MCF2L2: variants seen among roughly 807,000 people sequenced by gnomAD.
MCF2L2 encodes the protein MCF.2 cell line derived transforming sequence-like 2.
In MCF2L2, 102 loss-of-function variants were observed where a neutral mutation model predicts 150.2. The observed-to-expected ratio is 0.68, with a 90% CI of 0.58 to 0.80. The LOEUF is 0.80. Among genes scored for constraint, MCF2L2 ranks in the 30% least tolerant of loss-of-function variants. MCF2L2 has a pLI of 0.00. For missense variants in MCF2L2, 1,256 were observed against 1,372.8 expected (o/e 0.91, Z 1.34); for synonymous variants, 465 against 491.3 (o/e 0.95, Z 0.71).
At chr3:183,278,283 TTG>T (rs144622953) in intron 14 of MCF2L2, among the ~76,000 whole-genome samples, 7,403 of 137,924 alleles carry the variant, frequency 0.054, 390 homozygotes, top group African/African-American at 0.16. Flanking sequence ...AATGAAAAAA[TTG>T]TGTGTGTGTG....
chr3:183,202,076 G>T (rs1487691197), intron 25 of MCF2L2, among the ~76,000 whole-genome samples: 1 of 152,164 alleles, frequency 6.6e-6, no homozygotes, highest in Non-Finnish European at 1.5e-5. Context: ...AAAATCAGCA[G>T]TCTGGCAGCC....
chr3:183,199,941 C>T (rs145136284), intron 25 of MCF2L2, among the ~76,000 whole-genome samples: 1 of 152,262 alleles, frequency 6.6e-6, no homozygotes, highest in East Asian at 1.9e-4. Context: ...CATGTCCCTA[C>T]AAAGGACATG....
intron 1 of MCF2L2, among the ~76,000 whole-genome samples, chr3:183,415,750 G>A (rs1473055095): frequency 6.6e-6 from 1 of 151,694 alleles, no homozygotes; most frequent in Non-Finnish European, 1.5e-5. Flanking sequence ...TTATATCTTT[G>A]AATATACTAG....
intron 1 of MCF2L2, chr3:183,400,443 G>A (rs1714690806): frequency 2.2e-6 from 1 of 456,598 alleles, no homozygotes; most frequent in South Asian, 1.5e-5. Flanking sequence ...CAAGGTGTAA[G>A]GTGAGTATCT....
chr3:183,279,677 G>A (rs1407187059), intron 14 of MCF2L2, among the ~76,000 whole-genome samples: 1 of 152,044 alleles, frequency 6.6e-6, no homozygotes, highest in Non-Finnish European at 1.5e-5. Flanking sequence ...ATTTTATCCT[G>A]AAGAAAAAGG....
chr3:183,316,698 TTTG>T (rs770005357), intron 7 of MCF2L2, among the ~76,000 whole-genome samples: 10 of 149,372 alleles, frequency 6.7e-5, no homozygotes, highest in East Asian at 4.0e-4. Flanking sequence ...TTTTTTCTCT[TTTG>T]TTGTTGTTGT....
chr3:183,338,750 C>A (rs1188645659), intron 5 of MCF2L2, 50 bp downstream of exon 5: 2 of 1,550,264 alleles, frequency 1.3e-6, no homozygotes, highest in Non-Finnish European at 8.8e-7. Context: ...CAAATGCCAT[C>A]TTAGCCAGAA....
intron 21 of MCF2L2, among the ~76,000 whole-genome samples, chr3:183,218,616 A>C (rs555707320): frequency 1.3e-5 from 2 of 152,294 alleles, no homozygotes; most frequent in South Asian, 4.2e-4. Flanking sequence ...TCTGGGTGAC[A>C]GAGCGAGACT....
intron 22 of MCF2L2, among the ~76,000 whole-genome samples, chr3:183,215,394 C>T (rs1722877111): frequency 6.6e-6 from 1 of 152,044 alleles, no homozygotes; most frequent in Non-Finnish European, 1.5e-5. Context: ...GGATGTTTTG[C>T]CTGGAATGCC....
chr3:183,350,394 T>C (rs1731065007), intron 3 of MCF2L2, among the ~76,000 whole-genome samples: 1 of 152,094 alleles, frequency 6.6e-6, no homozygotes, highest in African/African-American at 2.4e-5. Context: ...CTGGCCAATG[T>C]ATTTCTTAAG....
chr3:183,307,857 C>A (rs1729174269), intron 10 of MCF2L2, among the ~76,000 whole-genome samples: 1 of 152,258 alleles, frequency 6.6e-6, no homozygotes, highest in Non-Finnish European at 1.5e-5. Flanking sequence ...TTCCTCCTGG[C>A]CCACCTGCTC....
At position 183,230,965 on chromosome 3, in the gene MCF2L2, T is replaced by C. The variant is rs1450021121; in HGVS notation, c.1915A>G (p.Lys639Glu). The part of the protein sequence containing the change: ...ETEEIYIKEI[K>E]SIIDGYITPM... Reference sequence around the variant, plus strand: ...AATCTACTTACATCAATTATGCTTTTAATCTCTTTTATGTAAATCTCTTCA... The same window carrying C: ...AATCTACTTACATCAATTATGCTTTCAATCTCTTTTATGTAAATCTCTTCA... The change falls in exon 16 of 30, where the codon AAA becomes GAA. Residue 639 changes from lysine to glutamate, a missense_variant. Transcript: ENST00000328913. 2 of 1,613,544 alleles carry C rather than the reference T, an allele frequency of 1.2e-6. No homozygotes were observed. The highest frequency in any genetic ancestry group is 2.2e-5 in the East Asian group (1 of 44,880).
chr3:183,317,406 GC>G (rs1729645247), intron 7 of MCF2L2, among the ~76,000 whole-genome samples: 1 of 152,124 alleles, frequency 6.6e-6, no homozygotes, highest in Non-Finnish European at 1.5e-5. Context: ...CCAGGGAGAA[GC>G]CCCGGGAAGA....
intron 13 of MCF2L2, among the ~76,000 whole-genome samples, chr3:183,290,065 T>C (rs914790642): frequency 6.6e-6 from 1 of 152,202 alleles, no homozygotes; most frequent in Non-Finnish European, 1.5e-5. Context: ...AGGTAATTAA[T>C]TTTTGCTTAT....
intron 7 of MCF2L2, among the ~76,000 whole-genome samples, chr3:183,315,216 T>C (rs1319739945): frequency 6.6e-6 from 1 of 151,784 alleles, no homozygotes; most frequent in Non-Finnish European, 1.5e-5. Context: ...TGGGACTACA[T>C]ACAGGATTGA....
chr3:183,338,960 T>A, intron 4 of MCF2L2, 41 bp from the exon 5 acceptor site: 1 of 1,575,900 alleles, frequency 6.3e-7, no homozygotes, highest in Non-Finnish European at 8.7e-7. Flanking sequence ...GAGAGAAAAA[T>A]GTCATATTCG....
At chr3:183,349,709 G>T (rs1247865675) in intron 3 of MCF2L2, among the ~76,000 whole-genome samples, 1 of 152,220 alleles carries the variant, frequency 6.6e-6, no homozygotes. Context: ...TGATAGAACA[G>T]AATAACTTGC....
intron 1 of MCF2L2, among the ~76,000 whole-genome samples, chr3:183,395,930 A>G (rs1187215353): frequency 6.7e-6 from 1 of 149,876 alleles, no homozygotes; most frequent in Non-Finnish European, 1.5e-5. Context: ...AAAAAAAAAA[A>G]AAAAAAAAGA....
intron 3 of MCF2L2, chr3:183,377,654 AAACC>A (rs1214552945): frequency 6.6e-6 from 1 of 152,260 alleles, no homozygotes; most frequent in Non-Finnish European, 1.5e-5. Flanking sequence ...AGGCAAAGGT[AAACC>A]TCGGGGTTCT....
Sources: allele counts gnomAD v4.1 joint callset (sites outside exome capture counted in the v4.1 genomes callset), GRCh38; gene constraint gnomAD v4.1.1; transcripts MANE v1.5; gene names NCBI Gene and HGNC (gene_info 2026-07-23, HGNC 2026-07-21).